Variants in WDR17 observed in about 807,000 individuals in gnomAD.
WDR17 encodes WD repeat-containing protein 17.
In WDR17, 143 loss-of-function variants were observed where a neutral mutation model predicts 161.7. The observed-to-expected ratio is 0.88, with a 90% CI of 0.77 to 1.02. The LOEUF (loss-of-function observed/expected upper bound fraction) is 1.02. Ranked by LOEUF, WDR17 falls within the 50% of genes least tolerant of loss-of-function variation. The pLI, the probability that WDR17 is intolerant of heterozygous loss-of-function variation, is 0.00. For missense variants in WDR17, 1,469 were observed against 1,520.9 expected, an observed-to-expected ratio of 0.97 and a Z score of 0.57; for synonymous variants, 517 against 515.6, an observed-to-expected ratio of 1.00 and a Z score of -0.04.
At chr4:176,068,567 A>G (rs1732813946) in intron 1 of WDR17, among the ~76,000 whole-genome samples, 1 of 152,234 alleles carries the variant, frequency 6.6e-6, no homozygotes, top group Non-Finnish European at 1.5e-5. Context: ...GCGCCACTGC[A>G]TGCCAGCCTG....
chr4:176,127,085 A>G (rs192070622), intron 5 of WDR17, among the ~76,000 whole-genome samples: 8 of 152,320 alleles, frequency 5.3e-5, no homozygotes, highest in Admixed American at 3.3e-4. Context: ...TTTAAAGTAT[A>G]CGAGAAAATA....
At chr4:176,173,168 G>T (rs866584582) in intron 24 of WDR17, 99 bp from the exon 25 acceptor site, 5 of 734,726 alleles carry the variant, frequency 6.8e-6, no homozygotes, top group Non-Finnish European at 1.1e-5. Context: ...GAGGTAAGTA[G>T]GACTGACTGA....
At chr4:176,166,913 C>T (rs886667591) in intron 22 of WDR17, among the ~76,000 whole-genome samples, 7 of 152,030 alleles carry the variant, frequency 4.6e-5, no homozygotes, top group African/African-American at 1.7e-4. Context: ...TTTATCAATT[C>T]TCTTTTGACA....
chr4:176,182,640 T>C lies in WDR17; in HGVS notation c.*3061T>C, dbSNP rs942863359. 8.6e-5 allele frequency: 13 copies of C among 151,914 alleles called. No homozygotes were observed. The highest frequency in any genetic ancestry group is 2.9e-4 in the African/African-American group (12 of 41,426). 9.4% of individuals were successfully genotyped at this position (151,914 alleles called of 1,614,324 possible). A position where few individuals can be genotyped will look rare whatever the true frequency, so the allele number is the denominator to read the frequency against. ...AGACATCTTTATAGTCAACTCTTAA[T>C]TAATGCTTATTGTACCAAATCTTTG... On this transcript the variant is annotated 3_prime_UTR_variant, in exon 29 of 29. Coordinates refer to ENST00000508596, the MANE Select transcript of WDR17 (RefSeq NM_181265.4). This position sits in a 1 kb window ranked among gnomAD's most constrained non-coding sequence, Gnocchi z 4.2.
intron 1 of WDR17, among the ~76,000 whole-genome samples, chr4:176,095,590 AAT>A (rs1736724450): frequency 6.6e-6 from 1 of 151,954 alleles, no homozygotes; most frequent in Non-Finnish European, 1.5e-5. Flanking sequence ...CAAACATTGT[AAT>A]TTCCCCCCTC....
At chr4:176,074,531 A>G (rs1431766200) in intron 1 of WDR17, among the ~76,000 whole-genome samples, 3 of 151,954 alleles carry the variant, frequency 2.0e-5, no homozygotes, top group Non-Finnish European at 4.4e-5. Context: ...ATCATAGCTC[A>G]CTGCAGCCTC....
At position 176,179,449 on chromosome 4, in the gene WDR17, T is replaced by G; in HGVS notation, c.3733-11T>G. 1 of 1,519,872 alleles carries G rather than the reference T, an allele frequency of 6.6e-7. No individual in the cohort carries two copies. The highest frequency in any genetic ancestry group is 8.8e-7 in the Non-Finnish European group (1 of 1,134,784). 94.1% of individuals were successfully genotyped at this position (1,519,872 alleles called of 1,614,324 possible). On this transcript the variant is annotated splice_polypyrimidine_tract_variant and intron_variant, in intron 28 of 28. Transcript: ENST00000508596. Reference sequence around the variant, plus strand: ...ATCTCATCTTCTCTTTCCTCAACTCTCACTGTGCAGGGCCCTGTGTTTTTC... The same window carrying G: ...ATCTCATCTTCTCTTTCCTCAACTCGCACTGTGCAGGGCCCTGTGTTTTTC...
chr4:176,154,743 A>G (rs1044392440), intron 17 of WDR17, among the ~76,000 whole-genome samples: 2 of 152,194 alleles, frequency 1.3e-5, no homozygotes, highest in African/African-American at 4.8e-5. Context: ...TTAAAATTTA[A>G]CGTATTATTT....
At chr4:176,089,212 T>C (rs1321123246) in intron 1 of WDR17, among the ~76,000 whole-genome samples, 1 of 150,696 alleles carries the variant, frequency 6.6e-6, no homozygotes, top group Admixed American at 6.6e-5. Flanking sequence ...ATAATTAGCA[T>C]AAAATAAACG....
chr4:176,131,472 G>A, intron 6 of WDR17, 82 bp from the exon 7 acceptor site: 8 of 1,355,058 alleles, frequency 5.9e-6, no homozygotes, highest in African/African-American at 4.4e-5. Context: ...TACAGATTCT[G>A]GATTTTTTTT....
intron 1 of WDR17, among the ~76,000 whole-genome samples, chr4:176,085,402 C>T (rs1252502457): frequency 6.6e-6 from 1 of 151,956 alleles, no homozygotes; most frequent in Non-Finnish European, 1.5e-5. Flanking sequence ...TCTTTTTGAA[C>T]TATTTTAAAG....
rs1752197047 is a variant in WDR17, at chr4:176,181,844, T to TG, written c.*2265_*2266insG. ...AAAGATGAAGAAAAAATTTTGCAAGTCTTTAAGCACATAAATACAACAGAA... is the reference window on the plus strand; with the variant it reads ...AAAGATGAAGAAAAAATTTTGCAAGTGCTTTAAGCACATAAATACAACAGAA... On this transcript the variant is annotated 3_prime_UTR_variant, in exon 29 of 29. Transcript: ENST00000508596. The TG allele has an allele frequency of 6.6e-6, 1 of 152,076 alleles. No homozygotes were observed. Among genetic ancestry groups the TG allele is most frequent in the Non-Finnish European group, 1.5e-5 (1 of 67,980 alleles). 9.4% of individuals were successfully genotyped at this position (152,076 alleles called of 1,614,324 possible).
At chr4:176,072,354 G>C (rs183706232) in intron 1 of WDR17, among the ~76,000 whole-genome samples, 1 of 152,312 alleles carries the variant, frequency 6.6e-6, no homozygotes, top group East Asian at 1.9e-4. Context: ...TAAATTGTCT[G>C]AGAGTGATAT....
intron 3 of WDR17, among the ~76,000 whole-genome samples, chr4:176,119,150 C>T (rs1394750371): frequency 2.6e-5 from 4 of 151,974 alleles, no homozygotes; most frequent in African/African-American, 7.2e-5. Flanking sequence ...TATTTGATCA[C>T]AATAGCAGGT....
chr4:176,097,927 A>G (rs926844084), intron 1 of WDR17, among the ~76,000 whole-genome samples: 1 of 151,960 alleles, frequency 6.6e-6, no homozygotes, highest in Non-Finnish European at 1.5e-5. Flanking sequence ...TTATACTACT[A>G]TGGGCCTTTA....
chr4:176,110,855 A>T (rs1167422780), intron 1 of WDR17, among the ~76,000 whole-genome samples: 22 of 152,184 alleles, frequency 1.4e-4, no homozygotes, highest in Admixed American at 1.4e-3. Flanking sequence ...CTGAAGTCTC[A>T]GCCCAGGCCT....
intron 1 of WDR17, among the ~76,000 whole-genome samples, chr4:176,089,071 C>T (rs1321750713): frequency 6.6e-6 from 1 of 152,048 alleles, no homozygotes; most frequent in Non-Finnish European, 1.5e-5. Flanking sequence ...GCATTTTCCC[C>T]TTTTAATTTT....
chr4:176,145,389 T>C (rs1216874267), intron 11 of WDR17, among the ~76,000 whole-genome samples: 2 of 152,168 alleles, frequency 1.3e-5, no homozygotes, highest in Non-Finnish European at 2.9e-5. Flanking sequence ...GGCTTCATAG[T>C]TGTATCAAAC....
chr4:176,159,222 G>C (rs1355301659), intron 18 of WDR17, among the ~76,000 whole-genome samples: 1 of 151,648 alleles, frequency 6.6e-6, no homozygotes, highest in East Asian at 1.9e-4. Context: ...TAGCTAGGGG[G>C]TTAGTCATTG....
Sources: gnomAD v4.1 joint callset for allele counts (sites outside exome capture counted in the v4.1 genomes callset) on GRCh38, gnomAD v4.1.1 for gene constraint, Gnocchi (gnomAD v3.1) non-coding constraint, MANE v1.5 for transcripts, NCBI Gene and HGNC (gene_info 2026-07-23, HGNC 2026-07-21) for gene names.